The following MTFR1 variants were observed in gnomAD, a reference collection of about 807,000 sequenced individuals.
MTFR1 encodes the protein chondrocyte protein with a poly-proline region.
In MTFR1, 28 loss-of-function variants were observed where a neutral mutation model predicts 38.8. The ratio of observed to expected loss-of-function variants is 0.72; its 90% CI spans 0.53 to 0.99. The LOEUF (loss-of-function observed/expected upper bound fraction) is 0.99. MTFR1 is among the 50% of genes least tolerant of loss of function. MTFR1 has a pLI of 0.00. For synonymous variants in MTFR1, 145 were observed against 137.0 expected (o/e 1.06, Z -0.41); for missense variants, 358 against 395.5 (o/e 0.91, Z 0.81).
At chr8:65,734,714 A>G in intron 3 of MTFR1, 2 of 781,750 alleles carry the variant, frequency 2.6e-6, no homozygotes, top group Non-Finnish European at 4.5e-6. Flanking sequence ...TCAAAGCAGT[A>G]ACTTCAGGAG....
intron 1 of MTFR1, among the ~76,000 whole-genome samples, chr8:65,658,854 A>G (rs549012396): frequency 2.2e-4 from 33 of 152,276 alleles, no homozygotes; most frequent in African/African-American, 7.7e-4. Context: ...TTTGAGCAAG[A>G]GCTTCTAAAA....
chr8:65,666,345 G>A (rs1431730543), intron 1 of MTFR1, among the ~76,000 whole-genome samples: 7 of 152,242 alleles, frequency 4.6e-5, no homozygotes, highest in South Asian at 2.1e-4. Context: ...TGCAGAGGTT[G>A]CAGTGAGCTG....
chr8:65,723,445 G>C (rs1469589129), intron 3 of MTFR1: 1 of 1,134,428 alleles, frequency 8.8e-7, no homozygotes. Context: ...ATAGAAATGA[G>C]CATAATTTTA....
chr8:65,682,727 G>A, intron 3 of MTFR1: 1 of 978,932 alleles, frequency 1.0e-6, no homozygotes, highest in Non-Finnish European at 1.2e-6. Context: ...ATTCCTAGGT[G>A]ACCTCAAACA....
intron 1 of MTFR1, among the ~76,000 whole-genome samples, chr8:65,648,708 T>C (rs1376338768): frequency 2.6e-5 from 4 of 152,182 alleles, no homozygotes; most frequent in Non-Finnish European, 5.9e-5. Flanking sequence ...GTGGTTAAAA[T>C]GTAAACAGTC....
At chr8:65,710,988 TATAG>T (rs987689273), downstream of MTFR1, among the ~76,000 whole-genome samples, 12 of 147,908 alleles carry the variant, frequency 8.1e-5, no homozygotes, top group African/African-American at 1.9e-4. Flanking sequence ...CATATATATA[TATAG>T]AGAGAGAGAG....
chr8:65,695,018 A>G (rs553275813), intron 4 of MTFR1, among the ~76,000 whole-genome samples: 62 of 152,322 alleles, frequency 4.1e-4, no homozygotes, highest in African/African-American at 1.4e-3. Flanking sequence ...AAACATAGAA[A>G]AGTTCACGTT....
chr8:65,762,171 G>A (rs978385140), intron 3 of MTFR1, among the ~76,000 whole-genome samples: 4 of 152,150 alleles, frequency 2.6e-5, no homozygotes, highest in African/African-American at 9.7e-5. Context: ...CATGTTGAAT[G>A]GCGCTGGTAT....
intron 1 of MTFR1, among the ~76,000 whole-genome samples, chr8:65,648,296 C>T (rs1171333397): frequency 6.6e-6 from 1 of 152,084 alleles, no homozygotes; most frequent in African/African-American, 2.4e-5. Flanking sequence ...GGATTACAGG[C>T]GTGAGTCACC....
In MTFR1 at chr8:65,648,970, G is replaced by A. The variant is rs1266174670; in HGVS notation, c.-81+4186G>A. ...GAAATGGCCGATTTGATATATAGTCGGCCTTCTGGATTCATAGGTTCTGTA... is the reference window on the plus strand; with the variant it reads ...GAAATGGCCGATTTGATATATAGTCAGCCTTCTGGATTCATAGGTTCTGTA... On this transcript the variant is annotated intron_variant, in intron 1 of 7. Coordinates refer to ENST00000262146, the MANE Select transcript of MTFR1 (RefSeq NM_014637.4). Among the ~76,000 whole-genome samples the A allele has an allele frequency of 3.3e-5, 5 of 151,638 alleles. No homozygotes were observed. In the East Asian group the frequency reaches 5.8e-4, roughly 18 times the overall value.
chr8:65,683,444 T>C (rs35262868), intron 3 of MTFR1, among the ~76,000 whole-genome samples: 1 of 152,170 alleles, frequency 6.6e-6, no homozygotes, highest in Admixed American at 6.6e-5. Flanking sequence ...TTTCTTATTG[T>C]TATTATAGTA....
At chr8:65,676,875 C>G (rs1192640583) in intron 2 of MTFR1, among the ~76,000 whole-genome samples, 1 of 152,096 alleles carries the variant, frequency 6.6e-6, no homozygotes, top group African/African-American at 2.4e-5. Context: ...TAAAAAAGAA[C>G]AAACTACTTT....
At chr8:65,674,000 C>T (rs1458563865) in intron 2 of MTFR1, among the ~76,000 whole-genome samples, 1 of 152,158 alleles carries the variant, frequency 6.6e-6, no homozygotes, top group Non-Finnish European at 1.5e-5. Flanking sequence ...GGAGAAATGG[C>T]GTCAGTAGAC....
intron 3 of MTFR1, among the ~76,000 whole-genome samples, chr8:65,759,802 T>A (rs1174675784): frequency 6.6e-6 from 1 of 152,120 alleles, no homozygotes; most frequent in Non-Finnish European, 1.5e-5. Flanking sequence ...AAAGGTTGCA[T>A]GTGAGAGCTT....
chr8:65,669,781 A>C (rs965039862), intron 1 of MTFR1, 92 bp from the exon 2 acceptor site: 2 of 597,276 alleles, frequency 3.3e-6, no homozygotes, highest in African/African-American at 4.0e-5. Flanking sequence ...GAAGTTTTAA[A>C]AATGTTTTAG....
intron 3 of MTFR1, chr8:65,739,739 T>C: frequency 2.2e-6 from 2 of 912,268 alleles, no homozygotes; most frequent in East Asian, 7.3e-5. Flanking sequence ...ATGCATCTTC[T>C]TACCAGTTAT....
At chr8:65,748,372 G>T (rs1212364724) in intron 3 of MTFR1, among the ~76,000 whole-genome samples, 1 of 152,180 alleles carries the variant, frequency 6.6e-6, no homozygotes, top group Non-Finnish European at 1.5e-5. Flanking sequence ...AAAGGATAGG[G>T]ATAAAAATTA....
intron 3 of MTFR1, chr8:65,719,717 G>T: frequency 1.8e-6 from 1 of 548,410 alleles, no homozygotes; most frequent in South Asian, 2.4e-5. Context: ...GAGTAAAAGT[G>T]AACTGACAAA....
intron 3 of MTFR1, among the ~76,000 whole-genome samples, chr8:65,746,393 G>A (rs184132908): frequency 6.6e-6 from 1 of 152,052 alleles, no homozygotes; most frequent in East Asian, 1.9e-4. Context: ...TAAATTATTT[G>A]TTATTCAGTT....
Sources: gnomAD v4.1 joint callset for allele counts (sites outside exome capture counted in the v4.1 genomes callset) on GRCh38, gnomAD v4.1.1 for gene constraint, MANE v1.5 for transcripts, NCBI Gene and HGNC (gene_info 2026-07-23, HGNC 2026-07-21) for gene names.